HECTD4: variants seen among roughly 807,000 people sequenced by gnomAD.
HECTD4 encodes HECT domain E3 ubiquitin protein ligase 4, also known as probable E3 ubiquitin-protein ligase HECTD4.
HECTD4 carries 114 observed loss-of-function variants against 471.5 expected under a neutral mutation model. The ratio of observed to expected loss-of-function variants is 0.24; its 90% CI spans 0.21 to 0.28. HECTD4 has a LOEUF of 0.28. HECTD4 is among the 10% of genes least tolerant of loss of function. The pLI is 1.00. For missense variants in HECTD4, 3,866 were observed against 5,651.5 expected (o/e 0.68, Z 10.13); for synonymous variants, 2,012 against 2,256.0 (o/e 0.89, Z 3.07).
chr12:112,312,417 A>G (rs1351716046), intron 4 of HECTD4, among the ~76,000 whole-genome samples: 2 of 152,098 alleles, frequency 1.3e-5, no homozygotes, highest in African/African-American at 4.8e-5. Flanking sequence ...CAGCCTAGAC[A>G]TTTTACTGAG....
chr12:112,294,398 T>C (rs1443923762), intron 7 of HECTD4, among the ~76,000 whole-genome samples: 1 of 152,232 alleles, frequency 6.6e-6, no homozygotes, highest in Non-Finnish European at 1.5e-5. Flanking sequence ...ATAAAGTTTT[T>C]TGCCTGGTTT....
At chr12:112,313,481 ATTTTTTTTT>A (rs34438364) in intron 3 of HECTD4, among the ~76,000 whole-genome samples, 1 of 58,934 alleles carries the variant, frequency 1.7e-5, no homozygotes, top group South Asian at 5.2e-4. Flanking sequence ...TGCCCGGCTA[ATTTTTTTTT>A]TTTTTTTTTT....
chr12:112,360,898 C>T (rs1344754606), intron 1 of HECTD4, among the ~76,000 whole-genome samples: 1 of 151,476 alleles, frequency 6.6e-6, no homozygotes, highest in African/African-American at 2.4e-5. Flanking sequence ...GCAGGAGAAT[C>T]GCTTGAACCC....
intron 1 of HECTD4, among the ~76,000 whole-genome samples, chr12:112,352,992 A>G (rs1049466916): frequency 6.6e-5 from 10 of 152,214 alleles, no homozygotes; most frequent in Admixed American, 3.9e-4. Flanking sequence ...CAGAATTCCT[A>G]TAAGTCAGTT....
chr12:112,378,633 T>C (rs1312589602), intron 1 of HECTD4, among the ~76,000 whole-genome samples: 3 of 152,176 alleles, frequency 2.0e-5, no homozygotes, highest in Non-Finnish European at 4.4e-5. Flanking sequence ...AAGGATTCTA[T>C]ATATTATAAA....
In HECTD4 at chr12:112,319,393, A is replaced by T; in HGVS notation, c.527T>A (p.Leu176His). The change falls in exon 2 of 76, where the codon CTT becomes CAT. Residue 176 changes from leucine to histidine, a missense_variant. Leu to His is a moderately conservative substitution (Grantham distance 99). Around this residue, in one of 16 missense-constraint regions of HECTD4, gnomAD observed 440 missense variants for 636.0 expected, o/e 0.69. Coordinates refer to ENST00000682272, the MANE Select transcript of HECTD4 (RefSeq NM_001388303.1). This position sits in a 1 kb window ranked among gnomAD's most constrained non-coding sequence, Gnocchi z 5.3. ...CAAGCTCAAAGGCTGGCAGTCACGAAGGCAGTTCAATAGCACCTCAGCAGT... is the reference window on the plus strand; with the variant it reads ...CAAGCTCAAAGGCTGGCAGTCACGATGGCAGTTCAATAGCACCTCAGCAGT... ...NITAEVLLNC[L>H]RDCQPLSLTK... The T allele has an allele frequency of 6.5e-7, 1 of 1,536,162 alleles. No individual in the cohort carries two copies. Among genetic ancestry groups the T allele is most frequent in the Non-Finnish European group, 8.7e-7 (1 of 1,146,906 alleles).
At chr12:112,349,388 C>CAAAAAAAAAAAAAAAAAAAAAAAAA (rs60480485) in intron 1 of HECTD4, among the ~76,000 whole-genome samples, 1 of 54,710 alleles carries the variant, frequency 1.8e-5, no homozygotes. Flanking sequence ...ACTCTTGCTC[C>CAAAAAAAAAAAAAAAAAAAAAAAAA]AAAAAAAAAA....
At chr12:112,359,467 T>C (rs916640891) in intron 1 of HECTD4, among the ~76,000 whole-genome samples, 8 of 152,192 alleles carry the variant, frequency 5.3e-5, no homozygotes, top group Admixed American at 2.6e-4. Flanking sequence ...TCGCCCACAC[T>C]GGAGTGCAGG....
chr12:112,235,151 C>T lies in HECTD4; in HGVS notation c.5841G>A (p.Val1947=). The T allele has an allele frequency of 6.2e-7, 1 of 1,613,382 alleles. No homozygotes were observed. Among genetic ancestry groups the T allele is most frequent in the Non-Finnish European group, 8.5e-7 (1 of 1,179,622 alleles). The change falls in exon 37 of 76, where the codon GTG becomes GTA. Residue 1947 remains valine (V), a synonymous_variant. Coordinates refer to ENST00000682272, the MANE Select transcript of HECTD4 (RefSeq NM_001388303.1). This position sits in a 1 kb window ranked among gnomAD's most constrained non-coding sequence, Gnocchi z 5.0. ...GGATAAATATCGAGAGCTTGCCATC[C>T]ACAGCCTCACTCTCTTCTCCAGGAT... ...DKDPGEESEA[V]DGKLSIFIHK...
chr12:112,248,737 T>C (rs1279398095), intron 25 of HECTD4, among the ~76,000 whole-genome samples: 1 of 152,124 alleles, frequency 6.6e-6, no homozygotes, highest in Admixed American at 6.5e-5. Context: ...CATGCTGCCA[T>C]GCTCAGCTAA....
intron 7 of HECTD4, chr12:112,302,321 TG>T (rs2035182053): frequency 7.9e-6 from 6 of 759,434 alleles, no homozygotes; most frequent in South Asian, 7.0e-5. Flanking sequence ...CTTCTCAGCC[TG>T]GGCCAACAGC....
At position 112,171,130 on chromosome 12, in the gene HECTD4, C is replaced by A. The variant is rs762985308; in HGVS notation, c.11919G>T (p.Leu3973=). ...GCAGGCACTGACCTTTGGCCTCCTT[C>A]AGCAGGGCGGCGATGCTGTGGGTAT... ...PMYTHSIAAL[L]KEAKGLIFYD... is the part of the protein sequence containing the mutation. Residue 3973 remains leucine, a synonymous_variant, in exon 68 of 76, where the codon CTG becomes CTT. Coordinates refer to ENST00000682272, the MANE Select transcript of HECTD4 (RefSeq NM_001388303.1). 2 of 1,613,264 alleles carry A rather than the reference C, an allele frequency of 1.2e-6. No individual in the cohort carries two copies. The highest frequency in any genetic ancestry group is 4.5e-5 in the East Asian group (2 of 44,868).
chr12:112,365,718 A>G lies in HECTD4; in HGVS notation c.177+16234T>C, dbSNP rs536119383. On this transcript the variant is annotated intron_variant, in intron 1 of 75. Coordinates refer to ENST00000682272, the MANE Select transcript of HECTD4 (RefSeq NM_001388303.1). ...AAAAATGCATTTAGATTTTAAAAAC[A>G]ATGTTTCTCTTGGGATAGCAACTGT... Among the ~76,000 whole-genome samples, 17 of 152,134 alleles carry G rather than the reference A, an allele frequency of 1.1e-4. No homozygotes were observed. In the East Asian group the frequency reaches 3.3e-3, roughly 29 times the overall value.
At chr12:112,269,076 T>C (rs2034356193) in intron 13 of HECTD4, among the ~76,000 whole-genome samples, 1 of 151,574 alleles carries the variant, frequency 6.6e-6, no homozygotes, top group Non-Finnish European at 1.5e-5. Context: ...GGTTTCACCG[T>C]GTTAGCCAGG....
rs2032165814 is a variant in HECTD4 at position 112,194,125 on chromosome 12, C to T, written c.8750-451G>A. Among the ~76,000 whole-genome samples the T allele has an allele frequency of 1.3e-5, 2 of 152,194 alleles. No homozygotes were observed. Among genetic ancestry groups the T allele is most frequent in the South Asian group, 4.1e-4 (2 of 4,828 alleles). On this transcript the variant is annotated intron_variant, in intron 56 of 75. Transcript: ENST00000682272. The surrounding 1 kb of genome is among the most constrained non-coding windows in gnomAD (Gnocchi z 4.6). ...GCTTTCCAGGTATATTTCAGGGCATCTAAGTTCTTGGGATGGGCTGTGGAC... is the reference window on the plus strand; with the variant it reads ...GCTTTCCAGGTATATTTCAGGGCATTTAAGTTCTTGGGATGGGCTGTGGAC...
intron 1 of HECTD4, among the ~76,000 whole-genome samples, chr12:112,349,915 TA>T (rs1249501313): frequency 6.6e-6 from 1 of 152,150 alleles, no homozygotes; most frequent in Non-Finnish European, 1.5e-5. Context: ...TAAATGTTCA[TA>T]TTTTTTGGAA....
At chr12:112,314,648 G>A (rs904719720) in intron 2 of HECTD4, 102 bp from the exon 3 acceptor site, 1 of 693,540 alleles carries the variant, frequency 1.4e-6, no homozygotes, top group Non-Finnish European at 2.6e-6. Context: ...GTTCCAAAAT[G>A]TGTCTCTCTG....
chr12:112,292,579 G>A (rs2034910679), intron 7 of HECTD4, among the ~76,000 whole-genome samples: 1 of 152,218 alleles, frequency 6.6e-6, no homozygotes. Context: ...TAATGTAGGA[G>A]ATGAATGAAT....
intron 22 of HECTD4, 49 bp downstream of exon 22, chr12:112,253,994 T>C: frequency 6.2e-7 from 1 of 1,605,182 alleles, no homozygotes; most frequent in Non-Finnish European, 8.5e-7. Flanking sequence ...CTGTGAGGAC[T>C]GCAAGTTCAT....
Sources: allele counts gnomAD v4.1 joint callset (sites outside exome capture counted in the v4.1 genomes callset), GRCh38; gene constraint gnomAD v4.1.1; regional missense constraint gnomAD v4.1.1; non-coding constraint Gnocchi (gnomAD v3.1); transcripts MANE v1.5; gene names NCBI Gene and HGNC (gene_info 2026-07-23, HGNC 2026-07-21).